ATP2C2: variants seen among roughly 807,000 people sequenced by gnomAD.
ATP2C2 encodes the protein calcium-transporting ATPase type 2C member 2.
In ATP2C2, 171 loss-of-function variants were observed where a neutral mutation model predicts 110.8. That is an observed-to-expected ratio of 1.54 (90% CI 1.36 to 1.75). ATP2C2 has a LOEUF of 1.75. Ranked by LOEUF, ATP2C2 falls within the 40% of genes most tolerant of loss-of-function variation. ATP2C2 has a pLI of 0.00. For synonymous variants in ATP2C2, 804 were observed against 508.4 expected (o/e 1.58, Z -7.82); for missense variants, 1,963 against 1,235.0 (o/e 1.59, Z -8.84).
chr16:84,387,620 A>G (rs977810477), intron 1 of ATP2C2, among the ~76,000 whole-genome samples: 20 of 152,244 alleles, frequency 1.3e-4, no homozygotes, highest in African/African-American at 4.3e-4. Flanking sequence ...CTATAGAGCA[A>G]CAAAAGAGAA....
intron 1 of ATP2C2, among the ~76,000 whole-genome samples, chr16:84,373,795 C>A (rs1023847612): frequency 6.6e-6 from 1 of 152,168 alleles, no homozygotes; most frequent in African/African-American, 2.4e-5. Flanking sequence ...CACTACTTAT[C>A]TAGTTTTGTT....
intron 2 of ATP2C2, among the ~76,000 whole-genome samples, chr16:84,403,121 T>G (rs1008371590): frequency 3.6e-4 from 55 of 152,308 alleles, no homozygotes; most frequent in African/African-American, 1.3e-3. Flanking sequence ...GTGATATAAT[T>G]TGTGAAGTTT....
intron 1 of ATP2C2, among the ~76,000 whole-genome samples, chr16:84,379,330 A>C (rs1033247920): frequency 2.6e-5 from 4 of 152,236 alleles, no homozygotes; most frequent in Non-Finnish European, 4.4e-5. Context: ...GCACACAACC[A>C]TGCTTGGCTA....
At chr16:84,417,662 C>T (rs747205336) in intron 7 of ATP2C2, among the ~76,000 whole-genome samples, 5 of 152,148 alleles carry the variant, frequency 3.3e-5, no homozygotes, top group South Asian at 2.1e-4. Context: ...GCAGCCAAGG[C>T]GAGTGGATTG....
At chr16:84,454,738 G>T (rs981597115) in intron 20 of ATP2C2, 80 bp from the exon 21 acceptor site, 7 of 1,417,648 alleles carry the variant, frequency 4.9e-6, no homozygotes, top group Non-Finnish European at 6.5e-6. Flanking sequence ...GGTGTCTGTG[G>T]CTGGCCACAG....
At chr16:84,433,160 C>T (rs749020239) in intron 11 of ATP2C2, among the ~76,000 whole-genome samples, 1 of 151,924 alleles carries the variant, frequency 6.6e-6, no homozygotes. Context: ...CAAGAGGATC[C>T]CTTGAGCCCA....
intron 2 of ATP2C2, among the ~76,000 whole-genome samples, chr16:84,400,218 C>T (rs1436540002): frequency 3.9e-5 from 6 of 152,062 alleles, no homozygotes; most frequent in Non-Finnish European, 7.3e-5. Context: ...AATACTCCTG[C>T]GATAAACATG....
At chr16:84,393,145 G>T (rs892936874) in intron 1 of ATP2C2, among the ~76,000 whole-genome samples, 1 of 152,298 alleles carries the variant, frequency 6.6e-6, no homozygotes, top group South Asian at 2.1e-4. Context: ...GATGGGGGCC[G>T]TACCAGAGTC....
chr16:84,428,862 A>G (rs1210665466), intron 11 of ATP2C2, among the ~76,000 whole-genome samples: 1 of 152,226 alleles, frequency 6.6e-6, no homozygotes, highest in Non-Finnish European at 1.5e-5. Context: ...AAATGAGCGG[A>G]GATGTATGCC....
rs532211700 is a variant in ATP2C2, at chr16:84,444,973, A to G, written c.1402-1356A>G. ...GGATTAGGGTCTTGGGGTTACTGAA[A>G]TAAAACACCACTGGCTGGTGATTTA... On this transcript the variant is annotated intron_variant, in intron 15 of 26. Coordinates refer to ENST00000262429, the MANE Select transcript of ATP2C2 (RefSeq NM_014861.4). 2.6e-4 allele frequency among the ~76,000 whole-genome samples: 40 copies of G among 152,264 alleles called. No individual in the cohort carries two copies. In the South Asian group the frequency reaches 6.6e-3, roughly 25 times the overall value.
intron 1 of ATP2C2, among the ~76,000 whole-genome samples, chr16:84,386,939 T>TA (rs912048828): frequency 5.7e-4 from 87 of 152,172 alleles, no homozygotes; most frequent in African/African-American, 1.9e-3. Flanking sequence ...TCCCTAACAT[T>TA]AAAAAATATT....
intron 11 of ATP2C2, among the ~76,000 whole-genome samples, chr16:84,427,725 A>C (rs1427295500): frequency 6.6e-6 from 1 of 152,102 alleles, no homozygotes; most frequent in Non-Finnish European, 1.5e-5. Flanking sequence ...TGAAAAAAGA[A>C]ACAAACCAAA....
At chr16:84,371,107 C>A (rs1026602580) in intron 1 of ATP2C2, among the ~76,000 whole-genome samples, 1 of 152,098 alleles carries the variant, frequency 6.6e-6, no homozygotes, top group African/African-American at 2.4e-5. Context: ...CTCAGGTGCA[C>A]TGGAGAATCA....
At chr16:84,374,287 C>G (rs74038512) in intron 1 of ATP2C2, among the ~76,000 whole-genome samples, 38 of 152,308 alleles carry the variant, frequency 2.5e-4, no homozygotes, top group African/African-American at 9.1e-4. Flanking sequence ...GCTAACCTTT[C>G]TCTCTGAGCC....
intron 6 of ATP2C2, among the ~76,000 whole-genome samples, chr16:84,411,319 C>G (rs528160992): frequency 1.3e-5 from 2 of 152,134 alleles, no homozygotes; most frequent in African/African-American, 4.8e-5. Flanking sequence ...AGGAAAGAGA[C>G]AAGACTAAAA....
At chr16:84,373,782 G>T in intron 1 of ATP2C2, among the ~76,000 whole-genome samples, 1 of 152,140 alleles carries the variant, frequency 6.6e-6, no homozygotes, top group East Asian at 1.9e-4. Flanking sequence ...CATGTCATCT[G>T]CTCACTACTT....
intron 1 of ATP2C2, among the ~76,000 whole-genome samples, chr16:84,381,757 C>T (rs1910592748): frequency 6.6e-6 from 1 of 152,124 alleles, no homozygotes; most frequent in South Asian, 2.1e-4. Context: ...TTCCTGCCGA[C>T]AGTTAGTTGG....
chr16:84,452,497 CT>C (rs397816630), intron 18 of ATP2C2, among the ~76,000 whole-genome samples: 41 of 118,332 alleles, frequency 3.5e-4, no homozygotes, highest in African/African-American at 1.0e-3. Flanking sequence ...CCTCTAGTTA[CT>C]TTTTTTTTTT....
rs141690137 is a variant in ATP2C2, at chr16:84,454,694, C to G, written c.1981-124C>G. The stretch of plus-strand genomic sequence containing the variant: ...ATTCCCACAGCTAATGTGGGTGAAG[C>G]TGGGATTCGAATTCCGGGTGCCCTC... On this transcript the variant is annotated intron_variant, in intron 20 of 26. Transcript: ENST00000262429. The G allele has an allele frequency of 2.1e-3, 2,151 of 1,015,568 alleles. 8 individuals carry two copies. The highest frequency in any genetic ancestry group is 2.1e-3 in the Non-Finnish European group (1,543 of 730,766). The allele number at this position is 1,015,568 out of a possible 1,614,324, so 62.9% of individuals were successfully genotyped here.
Sources: allele counts gnomAD v4.1 joint callset (sites outside exome capture counted in the v4.1 genomes callset), GRCh38; gene constraint gnomAD v4.1.1; transcripts MANE v1.5; gene names NCBI Gene and HGNC (gene_info 2026-07-23, HGNC 2026-07-21).